MNAT1: variants seen among roughly 807,000 people sequenced by gnomAD.
MNAT1 encodes the protein MNAT1 component of CDK activating kinase.
A neutral mutation model predicts 42.0 loss-of-function variants in MNAT1; 43 were observed. The ratio of observed to expected loss-of-function variants is 1.02; its 90% CI spans 0.80 to 1.32. MNAT1 has a LOEUF of 1.32. Among genes scored for constraint, MNAT1 ranks in the 40% most tolerant of loss-of-function variants. MNAT1 has a pLI of 0.00. For missense variants in MNAT1, 306 were observed against 350.4 expected (o/e 0.87, Z 1.01); for synonymous variants, 118 against 120.0 (o/e 0.98, Z 0.11).
At chr14:60,931,011 T>G (rs1393284036) in intron 7 of MNAT1, among the ~76,000 whole-genome samples, 1 of 152,144 alleles carries the variant, frequency 6.6e-6, no homozygotes, top group Non-Finnish European at 1.5e-5. Flanking sequence ...GAAAAAATAC[T>G]TCTGAAGGCA....
chr14:60,737,518 T>A (rs1423267834), intron 1 of MNAT1, among the ~76,000 whole-genome samples: 2 of 152,132 alleles, frequency 1.3e-5, no homozygotes, highest in African/African-American at 2.4e-5. Flanking sequence ...AAATATAATT[T>A]ATTTACCCCA....
intron 7 of MNAT1, among the ~76,000 whole-genome samples, chr14:60,948,066 T>G (rs777510076): frequency 7.2e-5 from 11 of 152,146 alleles, no homozygotes; most frequent in Non-Finnish European, 1.6e-4. Context: ...AAGGTAAATT[T>G]CTAAAATTCA....
intron 6 of MNAT1, among the ~76,000 whole-genome samples, chr14:60,821,690 T>C (rs1275956285): frequency 6.6e-6 from 1 of 152,202 alleles, no homozygotes; most frequent in Non-Finnish European, 1.5e-5. Flanking sequence ...ATATGTACTT[T>C]TATTATATAT....
At chr14:60,819,109 T>G (rs573360044) in intron 6 of MNAT1, among the ~76,000 whole-genome samples, 1 of 152,150 alleles carries the variant, frequency 6.6e-6, no homozygotes, top group African/African-American at 2.4e-5. Flanking sequence ...AAGCTTGTAG[T>G]GTAGAAAAAA....
chr14:60,853,618 T>TA (rs1445435114), intron 6 of MNAT1, among the ~76,000 whole-genome samples: 1 of 152,232 alleles, frequency 6.6e-6, no homozygotes, highest in Admixed American at 6.5e-5. Flanking sequence ...ATCCTTGTCT[T>TA]ATGCCAGTTT....
intron 1 of MNAT1, chr14:60,753,927 G>A (rs551252683): frequency 6.6e-6 from 1 of 152,184 alleles, no homozygotes; most frequent in African/African-American, 2.4e-5. Flanking sequence ...CAAAGACTTT[G>A]TGGCTTTCCA....
Position 60,812,102 on chromosome 14 carries a change from A to G in MNAT1, c.536A>G (p.Asn179Ser). The G allele has an allele frequency of 6.3e-7, 1 of 1,585,832 alleles. No homozygotes were observed. The highest frequency in any genetic ancestry group is 8.5e-7 in the Non-Finnish European group (1 of 1,170,314). The change falls in exon 5 of 8, where the codon AAT (asparagine) becomes AGT (serine). Residue 179 changes from asparagine (N) to serine (S), a missense_variant. By Grantham distance (46) the Asn-to-Ser change is conservative (BLOSUM62 1). Around this residue, in one of 3 missense-constraint regions of MNAT1, gnomAD observed 118 missense variants for 99.8 expected, o/e 1.18. Coordinates refer to ENST00000261245, the MANE Select transcript of MNAT1 (RefSeq NM_002431.4). ...EQLQQILKRK[N>S]KQAFLDELES... ...CTGCAGCAGATTCTAAAAAGGAAGA[A>G]TAAGCAGGCTTTTTTAGATGAGCTG...
At chr14:60,749,681 A>G (rs562064007) in intron 1 of MNAT1, among the ~76,000 whole-genome samples, 1 of 152,294 alleles carries the variant, frequency 6.6e-6, no homozygotes, top group African/African-American at 2.4e-5. Context: ...ATAAAGAGTT[A>G]TTTTCAGTAG....
intron 1 of MNAT1, among the ~76,000 whole-genome samples, chr14:60,747,877 A>G (rs566313768): frequency 1.3e-5 from 2 of 152,220 alleles, no homozygotes; most frequent in Non-Finnish European, 2.9e-5. Context: ...TCCTTATTCT[A>G]TAAGACTTAA....
chr14:60,826,433 C>T (rs2033059828), intron 6 of MNAT1, among the ~76,000 whole-genome samples: 1 of 150,624 alleles, frequency 6.6e-6, no homozygotes, highest in Non-Finnish European at 1.5e-5. Context: ...TCTTCTGCCT[C>T]AGCCTCCTGC....
intron 1 of MNAT1, among the ~76,000 whole-genome samples, chr14:60,772,608 A>G (rs2031100073): frequency 6.6e-6 from 1 of 152,062 alleles, no homozygotes; most frequent in Non-Finnish European, 1.5e-5. Flanking sequence ...AAAAAAAAAA[A>G]AGCCAATTCT....
At chr14:60,849,791 T>A (rs979393052) in intron 6 of MNAT1, among the ~76,000 whole-genome samples, 5 of 152,156 alleles carry the variant, frequency 3.3e-5, no homozygotes, top group Non-Finnish European at 5.9e-5. Context: ...AAATAATTTT[T>A]TCTTCGGTAG....
intron 7 of MNAT1, among the ~76,000 whole-genome samples, chr14:60,911,515 T>C (rs2035363197): frequency 6.6e-6 from 1 of 152,218 alleles, no homozygotes; most frequent in Non-Finnish European, 1.5e-5. Context: ...GAGATTCTGG[T>C]ATGTTGTGTC....
At chr14:60,906,884 G>A (rs929660881) in intron 7 of MNAT1, among the ~76,000 whole-genome samples, 9 of 151,900 alleles carry the variant, frequency 5.9e-5, no homozygotes, top group South Asian at 2.1e-4. Context: ...TTTATTTCTC[G>A]TTCTTTAATA....
At chr14:60,801,859 A>T (rs1215491215) in intron 3 of MNAT1, among the ~76,000 whole-genome samples, 1 of 152,214 alleles carries the variant, frequency 6.6e-6, no homozygotes, top group Admixed American at 6.5e-5. Context: ...AGTAGCTAAG[A>T]TATGGAATCA....
intron 7 of MNAT1, among the ~76,000 whole-genome samples, chr14:60,882,190 TCTAA>T (rs983087554): frequency 5.9e-5 from 9 of 151,884 alleles, no homozygotes; most frequent in African/African-American, 1.9e-4. Flanking sequence ...TCCTATTCAT[TCTAA>T]CTATTTTTTT....
At chr14:60,884,123 G>T (rs972257047) in intron 7 of MNAT1, among the ~76,000 whole-genome samples, 21 of 152,086 alleles carry the variant, frequency 1.4e-4, no homozygotes, top group Admixed American at 1.2e-3. Flanking sequence ...AGTGGTGATA[G>T]TGGGCATTCT....
intron 5 of MNAT1, among the ~76,000 whole-genome samples, chr14:60,816,679 G>T (rs2032725620): frequency 1.3e-5 from 2 of 152,002 alleles, no homozygotes; most frequent in Non-Finnish European, 2.9e-5. Context: ...GGCTAAATCT[G>T]CATGTTAGAT....
chr14:60,758,881 A>T (rs74053496), intron 1 of MNAT1, among the ~76,000 whole-genome samples: 1 of 152,262 alleles, frequency 6.6e-6, no homozygotes, highest in African/African-American at 2.4e-5. Context: ...GTATTAAAAC[A>T]AAAAGTATAT....
Sources: gnomAD v4.1 joint callset for allele counts (sites outside exome capture counted in the v4.1 genomes callset) on GRCh38, gnomAD v4.1.1 for gene constraint, gnomAD v4.1.1 regional missense constraint, MANE v1.5 for transcripts, NCBI Gene and HGNC (gene_info 2026-07-23, HGNC 2026-07-21) for gene names.